The following NTRK3 variants were observed in gnomAD, a reference collection of about 807,000 sequenced individuals.
The protein encoded by NTRK3 is neurotrophic receptor tyrosine kinase 3.
Under a neutral mutation model 91.7 loss-of-function variants are expected in NTRK3, and 24 were observed. The observed-to-expected ratio is 0.26, with a 90% CI of 0.19 to 0.37. The LOEUF is 0.37. NTRK3 is among the 10% of genes least tolerant of loss of function. NTRK3 has a pLI of 1.00. For missense variants in NTRK3, 880 were observed against 1,068.9 expected (o/e 0.82, Z 2.46); for synonymous variants, 483 against 404.0 (o/e 1.20, Z -2.34).
intron 14 of NTRK3, among the ~76,000 whole-genome samples, chr15:88,030,711 C>T (rs2078453648): frequency 6.6e-6 from 1 of 151,910 alleles, no homozygotes; most frequent in Admixed American, 6.6e-5. Flanking sequence ...AAAATGTGAC[C>T]TTAGAGGCAC....
intron 10 of NTRK3, 129 bp downstream of exon 10, chr15:88,134,972 G>C: frequency 9.0e-7 from 1 of 1,106,154 alleles, no homozygotes; most frequent in Non-Finnish European, 1.4e-6. Flanking sequence ...ACATGTTCCA[G>C]TGTGTGTTTT....
intron 13 of NTRK3, among the ~76,000 whole-genome samples, chr15:88,035,458 G>T (rs1188032851): frequency 6.6e-6 from 1 of 152,196 alleles, no homozygotes; most frequent in African/African-American, 2.4e-5. Flanking sequence ...GCACCCTGCA[G>T]GAGATTAGAG....
At chr15:87,860,929 C>T (rs879314563) in exon 19 of NTRK3, 6 of 222,678 alleles carry the variant, frequency 2.7e-5, no homozygotes, top group Admixed American at 5.8e-5. Flanking sequence ...AACGTCTCCA[C>T]CCATAAATGA....
At chr15:88,171,763 G>C (rs1485704534) in intron 5 of NTRK3, among the ~76,000 whole-genome samples, 2 of 152,108 alleles carry the variant, frequency 1.3e-5, no homozygotes, top group Non-Finnish European at 2.9e-5. Context: ...TCACAGCCTA[G>C]TCTGCCCACC....
At chr15:88,187,930 T>G (rs2151647023) in intron 3 of NTRK3, among the ~76,000 whole-genome samples, 1 of 148,304 alleles carries the variant, frequency 6.7e-6, no homozygotes, top group Middle Eastern at 3.4e-3. Context: ...TGAGACACTG[T>G]CTCAAAAAAA....
intron 15 of NTRK3, among the ~76,000 whole-genome samples, chr15:87,936,692 A>T (rs1438617816): frequency 2.0e-5 from 3 of 152,108 alleles, no homozygotes; most frequent in Non-Finnish European, 4.4e-5. Context: ...ACACGCACGC[A>T]CACATGCACA....
intron 14 of NTRK3, among the ~76,000 whole-genome samples, chr15:87,950,133 G>A (rs141151892): frequency 4.6e-5 from 7 of 152,182 alleles, no homozygotes; most frequent in Admixed American, 1.3e-4. Flanking sequence ...ACCAGAACAC[G>A]CAGAGCACAA....
intron 5 of NTRK3, among the ~76,000 whole-genome samples, chr15:88,149,393 C>G (rs1303258702): frequency 6.6e-6 from 1 of 152,156 alleles, no homozygotes; most frequent in East Asian, 1.9e-4. Flanking sequence ...TTCCCTGTAC[C>G]CAGTACCCTC....
intron 5 of NTRK3, among the ~76,000 whole-genome samples, chr15:88,174,462 A>G (rs1470319546): frequency 6.6e-6 from 1 of 152,168 alleles, no homozygotes; most frequent in Non-Finnish European, 1.5e-5. Context: ...CTCCACCCAG[A>G]CACACCACTG....
intron 16 of NTRK3, chr15:87,931,101 T>C (rs543040611): frequency 5.0e-6 from 2 of 403,784 alleles, no homozygotes; most frequent in South Asian, 3.7e-5. Flanking sequence ...ACTCCTTATC[T>C]TTACTCTAGG....
intron 5 of NTRK3, among the ~76,000 whole-genome samples, chr15:88,182,343 A>G (rs2046550985): frequency 6.6e-6 from 1 of 152,082 alleles, no homozygotes; most frequent in Admixed American, 6.5e-5. Flanking sequence ...ATTCACTGTG[A>G]TCTCTTCCCT....
intron 14 of NTRK3, chr15:87,978,100 C>G (rs760023181): frequency 2.2e-5 from 5 of 231,786 alleles, no homozygotes; most frequent in Non-Finnish European, 3.4e-5. Context: ...GAAGTCTACT[C>G]CACCAATGAG....
chr15:88,100,349 T>C (rs1047211467), intron 13 of NTRK3, among the ~76,000 whole-genome samples: 1 of 152,128 alleles, frequency 6.6e-6, no homozygotes, highest in African/African-American at 2.4e-5. Context: ...TCCACAGGGC[T>C]CCCATCTGGA....
chr15:87,870,980 G>A (rs1318889050), exon 19 of NTRK3: 1 of 231,240 alleles, frequency 4.3e-6, no homozygotes, highest in Non-Finnish European at 8.6e-6. Flanking sequence ...TATGATGAAA[G>A]AAAGATAGCC....
intron 14 of NTRK3, among the ~76,000 whole-genome samples, chr15:87,960,186 G>A (rs1038741289): frequency 6.6e-6 from 1 of 152,144 alleles, no homozygotes; most frequent in African/African-American, 2.4e-5. Flanking sequence ...TCCTGTCAAA[G>A]GGACCAGAGC....
intron 14 of NTRK3, among the ~76,000 whole-genome samples, chr15:87,999,512 G>A (rs1272023781): frequency 6.6e-6 from 1 of 152,140 alleles, no homozygotes. Flanking sequence ...CAATGAAATG[G>A]GATGTCACTG....
At chr15:88,174,081 G>T (rs944750153) in intron 5 of NTRK3, among the ~76,000 whole-genome samples, 1 of 152,190 alleles carries the variant, frequency 6.6e-6, no homozygotes, top group African/African-American at 2.4e-5. Context: ...GAGGTGAGAT[G>T]GGGGAGTAGA....
At chr15:87,982,690 G>C (rs781295318) in intron 14 of NTRK3, among the ~76,000 whole-genome samples, 1 of 152,184 alleles carries the variant, frequency 6.6e-6, no homozygotes, top group Non-Finnish European at 1.5e-5. Flanking sequence ...AGAGGTTCTG[G>C]AGCCAATCCT....
intron 5 of NTRK3, among the ~76,000 whole-genome samples, chr15:88,155,511 G>C (rs1474580428): frequency 6.6e-6 from 1 of 152,198 alleles, no homozygotes; most frequent in Non-Finnish European, 1.5e-5. Context: ...CAAACTTTGT[G>C]TTAATTTGTT....
Sources: gnomAD v4.1 joint callset for allele counts (sites outside exome capture counted in the v4.1 genomes callset) on GRCh38, gnomAD v4.1.1 for gene constraint, MANE v1.5 for transcripts, NCBI Gene and HGNC (gene_info 2026-07-23, HGNC 2026-07-21) for gene names.